Variants in TARBP1 observed in about 807,000 individuals in gnomAD.
The protein encoded by TARBP1 is tRNA (guanosine(18)-2'-O)-methyltransferase TARBP1.
Under a neutral mutation model 178.6 loss-of-function variants are expected in TARBP1, and 144 were observed. The ratio of observed to expected loss-of-function variants is 0.81; its 90% CI spans 0.70 to 0.93. TARBP1 has a LOEUF of 0.93. TARBP1 is among the 40% of genes least tolerant of loss of function. The pLI is 0.00. For missense variants in TARBP1, 2,067 were observed against 2,011.7 expected (o/e 1.03, Z -0.53); for synonymous variants, 787 against 781.0 (o/e 1.01, Z -0.13).
At position 234,429,684 on chromosome 1, in the gene TARBP1, T is replaced by TA. The variant is rs1558193762; in HGVS notation, c.2610-8dup. 15 of 1,560,192 alleles carry TA rather than the reference T, an allele frequency of 9.6e-6. No individual in the cohort carries two copies. Among genetic ancestry groups the TA allele is most frequent in the Non-Finnish European group, 1.3e-5 (15 of 1,150,434 alleles). On this transcript the variant is annotated splice_region_variant and splice_polypyrimidine_tract_variant and intron_variant, in intron 15 of 29. Coordinates refer to ENST00000040877, the MANE Select transcript of TARBP1 (RefSeq NM_005646.4). The stretch of plus-strand genomic sequence containing the variant: ...TGACGATTCTTCCAAAACACTGAAA[T>TA]AAAAAATAAAGTTACTAGGCCATAC...
intron 7 of TARBP1, among the ~76,000 whole-genome samples, 189 bp downstream of exon 7, chr1:234,460,072 C>G (rs1667692802): frequency 6.6e-6 from 1 of 152,084 alleles, no homozygotes; most frequent in African/African-American, 2.4e-5. Flanking sequence ...ATTTGTAAAA[C>G]AAAATAAGTT....
intron 29 of TARBP1, 75 bp downstream of exon 29, chr1:234,392,341 C>T: frequency 6.6e-7 from 1 of 1,522,644 alleles, no homozygotes; most frequent in Non-Finnish European, 8.9e-7. Context: ...GTCTCAAAAA[C>T]AAAAAAAAAC....
chr1:234,402,600 G>T (rs1345182181), intron 24 of TARBP1, among the ~76,000 whole-genome samples: 1 of 151,362 alleles, frequency 6.6e-6, no homozygotes, highest in Non-Finnish European at 1.5e-5. Flanking sequence ...TTTTGAGACA[G>T]GGTCTCACTC....
intron 12 of TARBP1, among the ~76,000 whole-genome samples, chr1:234,445,847 A>G (rs1666112166): frequency 6.6e-6 from 1 of 152,086 alleles, no homozygotes; most frequent in Non-Finnish European, 1.5e-5. Flanking sequence ...CATATCACAC[A>G]TTCTTTTGTT....
intron 14 of TARBP1, among the ~76,000 whole-genome samples, 191 bp from the exon 15 acceptor site, chr1:234,430,492 G>A (rs191777344): frequency 1.3e-5 from 2 of 152,268 alleles, no homozygotes; most frequent in African/African-American, 4.8e-5. Flanking sequence ...GATTGGCAGT[G>A]AACAATTTTA....
chr1:234,396,097 G>T (rs1010640635), intron 26 of TARBP1, among the ~76,000 whole-genome samples: 10 of 152,098 alleles, frequency 6.6e-5, no homozygotes, highest in Non-Finnish European at 1.2e-4. Flanking sequence ...AAATTAGGGG[G>T]ATACTAACAT....
intron 1 of TARBP1, among the ~76,000 whole-genome samples, 196 bp from the exon 2 acceptor site, chr1:234,473,007 T>C (rs1451601951): frequency 6.6e-6 from 1 of 152,186 alleles, no homozygotes; most frequent in Admixed American, 6.5e-5. Context: ...ATTACTGTTT[T>C]GGAGTTCTGG....
chr1:234,472,845 C>G (rs746457177), intron 1 of TARBP1, 34 bp from the exon 2 acceptor site: 9 of 1,497,726 alleles, frequency 6.0e-6, no homozygotes, highest in Non-Finnish European at 8.2e-6. Context: ...TTAGTTCTTC[C>G]TTTTGCAAAT....
chr1:234,406,239 C>T, intron 23 of TARBP1, 140 bp from the exon 24 acceptor site: 1 of 709,612 alleles, frequency 1.4e-6, no homozygotes, highest in South Asian at 1.9e-5. Flanking sequence ...CAGGGCCTCT[C>T]ATTCTTCCCT....
In TARBP1 at chr1:234,478,174, G is replaced by A; in HGVS notation, c.930C>T (p.Asn310=). 3.7e-6 allele frequency: 6 copies of A among 1,611,446 alleles called. No homozygotes were observed. Among genetic ancestry groups the A allele is most frequent in the Non-Finnish European group, 4.2e-6 (5 of 1,179,304 alleles). The part of the protein sequence containing the change: ...ADCTCGPQEG[N]GPSLFWWSER... ...GCTGGGGGGCAAAGAGGCAGGTACCGTTTCCTTCCTGGGGCCCGCAGGTGC... is the reference window on the plus strand; with the variant it reads ...GCTGGGGGGCAAAGAGGCAGGTACCATTTCCTTCCTGGGGCCCGCAGGTGC... The change falls in exon 1 of 30, where the codon AAC becomes AAT. Residue 310 remains asparagine (N), a splice_region_variant and synonymous_variant. Transcript: ENST00000040877.
chr1:234,467,927 C>G (rs993019645), intron 3 of TARBP1, among the ~76,000 whole-genome samples: 1 of 152,094 alleles, frequency 6.6e-6, no homozygotes, highest in East Asian at 1.9e-4. Context: ...TACAGGTATG[C>G]AAACCACGCC....
At chr1:234,412,888 C>T (rs1010290487) in intron 22 of TARBP1, among the ~76,000 whole-genome samples, 1 of 152,084 alleles carries the variant, frequency 6.6e-6, no homozygotes. Flanking sequence ...CCCTTCCACC[C>T]CAGCAGGGAT....
chr1:234,426,203 A>G (rs1364869820), intron 19 of TARBP1, among the ~76,000 whole-genome samples: 1 of 152,240 alleles, frequency 6.6e-6, no homozygotes, highest in Non-Finnish European at 1.5e-5. Flanking sequence ...ACCATGCACT[A>G]TCGGTGCACA....
In TARBP1 at chr1:234,401,190, A is replaced by C; in HGVS notation, c.4062T>G (p.Tyr1354Ter). 1 of 1,612,780 alleles carries C rather than the reference A, an allele frequency of 6.2e-7. No individual in the cohort carries two copies. Among genetic ancestry groups the C allele is most frequent in the Non-Finnish European group, 8.5e-7 (1 of 1,179,118 alleles). Residue 1354 changes from tyrosine to a stop codon, truncating the protein, a stop_gained, in exon 25 of 30, where the codon TAT becomes TAG. Transcript: ENST00000040877. LOFTEE classifies it high-confidence loss of function. ...FFATFHPLKD[Y>*]CLETIFYILP... Reference sequence around the variant, plus strand: ...GATATTCTCTACTCACCTCTAGACAATAATCCTTGAGTGGGTGAAATGTTG... The same window carrying C: ...GATATTCTCTACTCACCTCTAGACACTAATCCTTGAGTGGGTGAAATGTTG...
chr1:234,473,047 T>C (rs1254672321), intron 1 of TARBP1, among the ~76,000 whole-genome samples: 1 of 152,078 alleles, frequency 6.6e-6, no homozygotes, highest in Non-Finnish European at 1.5e-5. Flanking sequence ...ACATATAAAC[T>C]CTACTTTCTC....
intron 22 of TARBP1, among the ~76,000 whole-genome samples, chr1:234,412,485 A>G (rs879766496): frequency 6.6e-6 from 1 of 151,402 alleles, no homozygotes; most frequent in Non-Finnish European, 1.5e-5. Context: ...AGGCAACATA[A>G]CAAGACCTCA....
chr1:234,467,730 A>G, intron 3 of TARBP1, 80 bp from the exon 4 acceptor site: 1 of 1,298,324 alleles, frequency 7.7e-7, no homozygotes, highest in Non-Finnish European at 1.0e-6. Context: ...TAAATAATGT[A>G]CAAACACACA....
chr1:234,411,371 G>A (rs1227990209), intron 22 of TARBP1, among the ~76,000 whole-genome samples: 1 of 152,110 alleles, frequency 6.6e-6, no homozygotes, highest in Non-Finnish European at 1.5e-5. Context: ...CATCCGTAGG[G>A]GGCCTGGAAT....
intron 29 of TARBP1, 26 bp from the exon 30 acceptor site, chr1:234,391,771 T>C (rs779736270): frequency 1.9e-6 from 3 of 1,602,338 alleles, no homozygotes; most frequent in Admixed American, 1.7e-5. Context: ...GAAGAAAGAT[T>C]AGTTTTCCTG....
Sources: allele counts gnomAD v4.1 joint callset (sites outside exome capture counted in the v4.1 genomes callset), GRCh38; gene constraint gnomAD v4.1.1; transcripts MANE v1.5; gene names NCBI Gene and HGNC (gene_info 2026-07-23, HGNC 2026-07-21).